The following TRPM3 variants were observed in gnomAD, a reference collection of about 807,000 sequenced individuals.
TRPM3 encodes long transient receptor potential channel 3.
Under a neutral mutation model 181.2 loss-of-function variants are expected in TRPM3, and 77 were observed. That is an observed-to-expected ratio of 0.42 (90% confidence interval 0.35 to 0.51). TRPM3 has a LOEUF of 0.51. Ranked by LOEUF, TRPM3 falls within the 20% of genes least tolerant of loss-of-function variation. The pLI, the probability that TRPM3 is intolerant of heterozygous loss-of-function variation, is 0.01. For synonymous variants in TRPM3, 745 were observed against 796.4 expected, an observed-to-expected ratio of 0.94 and a Z score of 1.09; for missense variants, 1,759 against 2,196.7, an observed-to-expected ratio of 0.80 and a Z score of 3.98.
chr9:71,179,202 C>T (rs575624514), intron 1 of TRPM3, among the ~76,000 whole-genome samples: 1 of 152,160 alleles, frequency 6.6e-6, no homozygotes, highest in South Asian at 2.1e-4. Context: ...ATGCAGTGTG[C>T]CAACTAAAAA....
chr9:70,560,943 C>T (rs781568628), intron 22 of TRPM3, among the ~76,000 whole-genome samples: 23 of 152,282 alleles, frequency 1.5e-4, no homozygotes, highest in Non-Finnish European at 2.5e-4. Flanking sequence ...ATTTAATATG[C>T]ACACCATCTT....
chr9:70,681,800 G>A (rs2065511638), intron 8 of TRPM3, among the ~76,000 whole-genome samples: 1 of 152,154 alleles, frequency 6.6e-6, no homozygotes, highest in Non-Finnish European at 1.5e-5. Context: ...TAGTTGCACT[G>A]TTTTGGTCAT....
chr9:70,653,890 G>A (rs2059926606), intron 9 of TRPM3, among the ~76,000 whole-genome samples: 1 of 152,026 alleles, frequency 6.6e-6, no homozygotes, highest in Non-Finnish European at 1.5e-5. Flanking sequence ...AAGAGTCATG[G>A]GTGGATTCTT....
intron 1 of TRPM3, among the ~76,000 whole-genome samples, chr9:71,062,728 T>C (rs2133374094): frequency 6.6e-6 from 1 of 152,048 alleles, no homozygotes; most frequent in East Asian, 1.9e-4. Flanking sequence ...AATGAATTAA[T>C]GCCGTTATCA....
At chr9:71,068,593 C>G (rs1210372289) in intron 1 of TRPM3, among the ~76,000 whole-genome samples, 2 of 152,182 alleles carry the variant, frequency 1.3e-5, no homozygotes, top group African/African-American at 4.8e-5. Flanking sequence ...CCCAGATCAT[C>G]TGGGTGTATG....
Position 71,025,861 on chromosome 9 carries a change from T to C in TRPM3, c.177+95317A>G, listed in dbSNP as rs866775242. On this transcript the variant is annotated intron_variant, in intron 1 of 25. Transcript: ENST00000677713. ...GACTGGTGAACTCAGAGGAAAGGCA[T>C]TGAGAGCAGATGAAGGGAAGACATA... Among the ~76,000 whole-genome samples the C allele has an allele frequency of 7.9e-5, 12 of 152,148 alleles. No individual in the cohort carries two copies. In the Middle Eastern group the frequency reaches 0.017, roughly 216 times the overall value.
Position 70,937,909 on chromosome 9 carries a change from A to G in TRPM3, c.178-73398T>C, listed in dbSNP as rs183052293. ...GAGGGTGTAGCTTCTAAAATTTAATACAATTCTGAATGTTGACCACTTAGT... is the reference window on the plus strand; with the variant it reads ...GAGGGTGTAGCTTCTAAAATTTAATGCAATTCTGAATGTTGACCACTTAGT... On this transcript the variant is annotated intron_variant, in intron 1 of 25. Coordinates refer to ENST00000677713, the MANE Select transcript of TRPM3 (RefSeq NM_001366145.2). Among the ~76,000 whole-genome samples, 3 of 152,242 alleles carry G rather than the reference A, an allele frequency of 2.0e-5. No homozygotes were observed. The East Asian group carries it at 5.8e-4, about 29-fold the overall frequency.
At chr9:70,762,780 C>T (rs565008328) in intron 7 of TRPM3, among the ~76,000 whole-genome samples, 11 of 152,246 alleles carry the variant, frequency 7.2e-5, no homozygotes, top group Admixed American at 3.3e-4. Flanking sequence ...TTTAAGTTCA[C>T]GCAACAAATA....
At chr9:70,673,519 C>T (rs2063378678) in intron 9 of TRPM3, among the ~76,000 whole-genome samples, 1 of 152,196 alleles carries the variant, frequency 6.6e-6, no homozygotes, top group African/African-American at 2.4e-5. Context: ...AGTTTACCAA[C>T]CCACACAGTA....
intron 8 of TRPM3, among the ~76,000 whole-genome samples, chr9:70,692,556 A>C (rs1050670201): frequency 5.3e-5 from 8 of 152,172 alleles, no homozygotes; most frequent in Non-Finnish European, 1.2e-4. Flanking sequence ...TTGCTCTAAA[A>C]TGGCACTGCA....
chr9:70,782,043 TG>T (rs1470403123), intron 7 of TRPM3, among the ~76,000 whole-genome samples: 1 of 152,096 alleles, frequency 6.6e-6, no homozygotes, highest in Non-Finnish European at 1.5e-5. Flanking sequence ...GCATTCTGAA[TG>T]CAAATTTGTA....
intron 1 of TRPM3, among the ~76,000 whole-genome samples, chr9:71,414,663 T>C (rs2093610675): frequency 6.6e-6 from 1 of 151,910 alleles, no homozygotes; most frequent in South Asian, 2.1e-4. Flanking sequence ...AAAATACACA[T>C]AGATCTTGTG....
chr9:70,813,814 T>C (rs1459811721), intron 6 of TRPM3, among the ~76,000 whole-genome samples: 1 of 152,218 alleles, frequency 6.6e-6, no homozygotes, highest in African/African-American at 2.4e-5. Context: ...TGCTTCATTT[T>C]GTTTCTGGTA....
At chr9:71,006,158 C>G (rs1337943874) in intron 1 of TRPM3, among the ~76,000 whole-genome samples, 1 of 152,020 alleles carries the variant, frequency 6.6e-6, no homozygotes, top group Non-Finnish European at 1.5e-5. Context: ...GTTAGCCCCG[C>G]GTGTTGCCAC....
intron 22 of TRPM3, among the ~76,000 whole-genome samples, chr9:70,567,329 C>G (rs1170131800): frequency 6.6e-6 from 1 of 152,244 alleles, no homozygotes; most frequent in Non-Finnish European, 1.5e-5. Context: ...AGGGTTGCTA[C>G]TTTCAAGGTG....
At chr9:70,977,173 C>T (rs2097312219) in intron 1 of TRPM3, among the ~76,000 whole-genome samples, 1 of 152,134 alleles carries the variant, frequency 6.6e-6, no homozygotes, top group South Asian at 2.1e-4. Flanking sequence ...CTTGCTCTGT[C>T]ACCCAGGCTG....
At chr9:70,619,775 G>T (rs908425182) in intron 16 of TRPM3, among the ~76,000 whole-genome samples, 1 of 152,048 alleles carries the variant, frequency 6.6e-6, no homozygotes, top group African/African-American at 2.4e-5. Flanking sequence ...CCACAAATGT[G>T]TGATCTTGGA....
intron 3 of TRPM3, among the ~76,000 whole-genome samples, chr9:70,851,487 AC>A (rs1228599880): frequency 6.6e-6 from 1 of 152,210 alleles, no homozygotes; most frequent in African/African-American, 2.4e-5. Context: ...TTACTTTAGG[AC>A]TTCTATGGTT....
chr9:70,920,143 C>A (rs962983947), intron 1 of TRPM3, among the ~76,000 whole-genome samples: 1 of 152,148 alleles, frequency 6.6e-6, no homozygotes, highest in African/African-American at 2.4e-5. Context: ...GGCTAAGGAC[C>A]AGTCTTTTTT....
Sources: gnomAD v4.1 joint callset for allele counts (sites outside exome capture counted in the v4.1 genomes callset) on GRCh38, gnomAD v4.1.1 for gene constraint, MANE v1.5 for transcripts, NCBI Gene and HGNC (gene_info 2026-07-23, HGNC 2026-07-21) for gene names.